The following MACROD2 variants were observed in gnomAD, a reference collection of about 807,000 sequenced individuals.
MACROD2 encodes the protein ADP-ribose glycohydrolase MACROD2.
MACROD2 carries 36 observed loss-of-function variants against 70.4 expected under a neutral mutation model. That is an observed-to-expected ratio of 0.51 (90% CI 0.39 to 0.68). MACROD2 has a LOEUF of 0.68. Among genes scored for constraint, MACROD2 ranks in the 30% least tolerant of loss-of-function variants. The pLI, the probability that MACROD2 is intolerant of heterozygous loss-of-function variation, is 0.00. For synonymous variants in MACROD2, 172 were observed against 178.8 expected, an observed-to-expected ratio of 0.96 and a Z score of 0.30; for missense variants, 496 against 538.4, an observed-to-expected ratio of 0.92 and a Z score of 0.78.
intron 4 of MACROD2, among the ~76,000 whole-genome samples, chr20:14,588,157 C>T (rs1307309481): frequency 6.6e-6 from 1 of 152,100 alleles, no homozygotes; most frequent in Middle Eastern, 3.2e-3. Context: ...CCTGCTTCTT[C>T]CTAGGAGTAA....
chr20:15,946,781 G>A (rs1160697602), intron 12 of MACROD2, among the ~76,000 whole-genome samples: 3 of 152,172 alleles, frequency 2.0e-5, no homozygotes, highest in African/African-American at 7.2e-5. Context: ...GGGCCCAGGG[G>A]ACCAGCACTC....
chr20:14,001,800 T>C (rs2052736109), intron 1 of MACROD2, among the ~76,000 whole-genome samples: 1 of 151,722 alleles, frequency 6.6e-6, no homozygotes, highest in Non-Finnish European at 1.5e-5. Context: ...CACGAGAGGG[T>C]TGGGGGGAAG....
intron 11 of MACROD2, among the ~76,000 whole-genome samples, chr20:15,933,967 T>C (rs1387953882): frequency 6.6e-6 from 1 of 152,174 alleles, no homozygotes; most frequent in African/African-American, 2.4e-5. Flanking sequence ...TAAAATAAAA[T>C]AGCACTTAAG....
intron 3 of MACROD2, among the ~76,000 whole-genome samples, chr20:14,407,235 G>GTT (rs1208639794): frequency 6.6e-6 from 1 of 151,728 alleles, no homozygotes; most frequent in Non-Finnish European, 1.5e-5. Context: ...TTCTCTTGGG[G>GTT]TTTCATCTGT....
chr20:14,699,033 A>G (rs1193532846), intron 5 of MACROD2, among the ~76,000 whole-genome samples: 1 of 151,940 alleles, frequency 6.6e-6, no homozygotes, highest in Admixed American at 6.6e-5. Context: ...TCTTTTTCAT[A>G]TTTTTAAAAG....
chr20:14,720,272 G>A (rs1241641678), intron 5 of MACROD2, among the ~76,000 whole-genome samples: 1 of 152,074 alleles, frequency 6.6e-6, no homozygotes, highest in Admixed American at 6.5e-5. Flanking sequence ...TATTTCACAT[G>A]TAGTTATTCT....
intron 3 of MACROD2, among the ~76,000 whole-genome samples, chr20:14,441,207 CT>C (rs1253554372): frequency 1.3e-5 from 2 of 152,128 alleles, no homozygotes; most frequent in Non-Finnish European, 1.5e-5. Flanking sequence ...CACTTTTACC[CT>C]CTTAAAATTC....
intron 3 of MACROD2, among the ~76,000 whole-genome samples, chr20:14,140,959 A>G (rs2148705464): frequency 6.6e-6 from 1 of 152,296 alleles, no homozygotes; most frequent in African/African-American, 2.4e-5. Context: ...AGTTGATCAT[A>G]TTAGAGAGTC....
intron 6 of MACROD2, among the ~76,000 whole-genome samples, chr20:15,322,560 C>T (rs1052835547): frequency 6.9e-6 from 1 of 144,180 alleles, no homozygotes; most frequent in Non-Finnish European, 1.6e-5. Flanking sequence ...AACCAAAATT[C>T]GTACTCTCCC....
intron 8 of MACROD2, among the ~76,000 whole-genome samples, chr20:15,684,344 A>G (rs777401837): frequency 1.3e-5 from 2 of 152,222 alleles, no homozygotes; most frequent in Non-Finnish European, 1.5e-5. Context: ...CATAGGTTGA[A>G]TCAGATAGTG....
rs538069945 is a variant in MACROD2, at chr20:14,410,803, C to A, written c.272-82676C>A. ...CTCCTTTGGTTTTCTTTCTGACTTC[C>A]CTACTTTTCTATCAATGCTCTCTGG... On this transcript the variant is annotated intron_variant, in intron 3 of 17. Coordinates refer to ENST00000684519, the MANE Select transcript of MACROD2 (RefSeq NM_001351661.2). Among the ~76,000 whole-genome samples, 93 of 152,198 alleles carry A rather than the reference C, an allele frequency of 6.1e-4. 1 individual carries two copies. In the South Asian group the frequency reaches 0.016, roughly 26 times the overall value.
At chr20:14,727,826 A>G (rs1039627587) in intron 5 of MACROD2, among the ~76,000 whole-genome samples, 1 of 152,122 alleles carries the variant, frequency 6.6e-6, no homozygotes, top group African/African-American at 2.4e-5. Context: ...CTTTTCCCAT[A>G]TGGAAGAATT....
At chr20:14,719,038 C>T (rs2071431411) in intron 5 of MACROD2, among the ~76,000 whole-genome samples, 1 of 152,020 alleles carries the variant, frequency 6.6e-6, no homozygotes, top group Non-Finnish European at 1.5e-5. Flanking sequence ...TCAAGACCAT[C>T]CTGGCCAACA....
chr20:15,834,963 A>G (rs957684543), intron 8 of MACROD2, among the ~76,000 whole-genome samples: 2 of 152,124 alleles, frequency 1.3e-5, no homozygotes, highest in African/African-American at 4.8e-5. Flanking sequence ...CTAAGTTATA[A>G]AAGGCTTTTG....
At chr20:14,046,247 A>G (rs936261475) in intron 2 of MACROD2, among the ~76,000 whole-genome samples, 5 of 152,212 alleles carry the variant, frequency 3.3e-5, no homozygotes, top group Non-Finnish European at 7.3e-5. Flanking sequence ...AGACCTCTAA[A>G]CTATAACAAT....
chr20:15,936,688 T>TATATATATATA (rs11473996), intron 11 of MACROD2, among the ~76,000 whole-genome samples: 1 of 150,666 alleles, frequency 6.6e-6, no homozygotes, highest in African/African-American at 2.4e-5. Flanking sequence ...TATATATATA[T>TATATATATATA]TCATTTTCCA....
At chr20:14,542,060 C>T (rs2085439958) in intron 4 of MACROD2, among the ~76,000 whole-genome samples, 1 of 152,200 alleles carries the variant, frequency 6.6e-6, no homozygotes, top group African/African-American at 2.4e-5. Context: ...ACATAAATAT[C>T]TGGATTCCCA....
chr20:14,216,034 C>A (rs2081619830), intron 3 of MACROD2, among the ~76,000 whole-genome samples: 1 of 150,916 alleles, frequency 6.6e-6, no homozygotes, highest in Admixed American at 6.6e-5. Flanking sequence ...AGCTATTTAT[C>A]TTTTTTTTTA....
intron 6 of MACROD2, among the ~76,000 whole-genome samples, chr20:15,335,733 T>A (rs1303355421): frequency 1.3e-5 from 2 of 151,706 alleles, no homozygotes; most frequent in Non-Finnish European, 2.9e-5. Context: ...TCAAAATTTC[T>A]TATGTAGAAA....
Sources: gnomAD v4.1 joint callset for allele counts (sites outside exome capture counted in the v4.1 genomes callset) on GRCh38, gnomAD v4.1.1 for gene constraint, MANE v1.5 for transcripts, NCBI Gene and HGNC (gene_info 2026-07-23, HGNC 2026-07-21) for gene names.